COL4A2: variants seen among roughly 807,000 people sequenced by gnomAD.
COL4A2 encodes the protein collagen type IV alpha 2 chain, also known as collagen alpha-2(IV) chain.
COL4A2 carries 99 observed loss-of-function variants against 200.2 expected under a neutral mutation model. The ratio of observed to expected loss-of-function variants is 0.49; its 90% CI spans 0.42 to 0.58. COL4A2 has a LOEUF of 0.58. COL4A2 is among the 20% of genes least tolerant of loss of function. COL4A2 has a pLI of 0.00. For synonymous variants in COL4A2, 897 were observed against 900.6 expected (o/e 1.00, Z 0.07); for missense variants, 1,950 against 2,314.1 (o/e 0.84, Z 3.23).
chr13:110,357,016 G>A (rs539149529), intron 3 of COL4A2, among the ~76,000 whole-genome samples: 3 of 152,038 alleles, frequency 2.0e-5, no homozygotes, highest in East Asian at 1.9e-4. Flanking sequence ...CACCCGCCTC[G>A]GCCTCCCAAA....
intron 24 of COL4A2, 64 bp from the exon 25 acceptor site, chr13:110,465,341 G>T (rs1882194168): frequency 2.6e-5 from 39 of 1,516,690 alleles, no homozygotes; most frequent in Non-Finnish European, 3.4e-5. Context: ...AAAGGAAACA[G>T]GGAAGTCGAG....
intron 24 of COL4A2, among the ~76,000 whole-genome samples, chr13:110,465,061 C>T (rs1304656132): frequency 6.6e-6 from 1 of 152,238 alleles, no homozygotes; most frequent in African/African-American, 2.4e-5. Context: ...TCATGTGTTT[C>T]TTTCTCCACC....
intron 11 of COL4A2, among the ~76,000 whole-genome samples, chr13:110,432,738 G>A (rs2139460963): frequency 6.6e-6 from 1 of 152,330 alleles, no homozygotes; most frequent in African/African-American, 2.4e-5. Context: ...GTTGTAGGGA[G>A]GCCAATGTCA....
At chr13:110,400,044 A>G (rs1003186453) in intron 4 of COL4A2, among the ~76,000 whole-genome samples, 2 of 151,888 alleles carry the variant, frequency 1.3e-5, no homozygotes, top group African/African-American at 4.9e-5. Context: ...TCTCCAAAAC[A>G]TACAGCCAGC....
intron 16 of COL4A2, among the ~76,000 whole-genome samples, chr13:110,443,041 C>T (rs1432761169): frequency 6.6e-6 from 1 of 152,234 alleles, no homozygotes; most frequent in Non-Finnish European, 1.5e-5. Context: ...ATGACTTGGA[C>T]TCACCAGATG....
intron 4 of COL4A2, among the ~76,000 whole-genome samples, chr13:110,374,852 T>C (rs1359216689): frequency 6.6e-6 from 1 of 152,206 alleles, no homozygotes; most frequent in African/African-American, 2.4e-5. Flanking sequence ...TTCAGAAGCA[T>C]TCCTGAGTCA....
rs184563692 is a variant in COL4A2, at chr13:110,379,345, G to A, written c.180+21793G>A. Among the ~76,000 whole-genome samples, 389 of 152,354 alleles carry A rather than the reference G, an allele frequency of 2.6e-3. 15 individuals carry two copies. The highest frequency in any genetic ancestry group is 0.024 in the Admixed American group (373 of 15,310). ...GCACCCTAAGCTAAGAGGCGAGTAC[G>A]CGTGCAGGTGCACCCGAGGGAAAGC... On this transcript the variant is annotated intron_variant, in intron 4 of 47. Coordinates refer to ENST00000360467, the MANE Select transcript of COL4A2 (RefSeq NM_001846.4).
chr13:110,310,339 T>G (rs1884940665), intron 3 of COL4A2, among the ~76,000 whole-genome samples: 1 of 151,860 alleles, frequency 6.6e-6, no homozygotes. Context: ...CAGGGTGGAG[T>G]CCGGGACTCC....
intron 3 of COL4A2, among the ~76,000 whole-genome samples, chr13:110,314,280 C>G (rs945427148): frequency 6.6e-6 from 1 of 152,210 alleles, no homozygotes; most frequent in African/African-American, 2.4e-5. Flanking sequence ...TTTTAAAATG[C>G]TCCCAGGAGT....
chr13:110,484,508 G>C (rs145935873), intron 32 of COL4A2, among the ~76,000 whole-genome samples: 2 of 152,142 alleles, frequency 1.3e-5, no homozygotes, highest in Non-Finnish European at 2.9e-5. Flanking sequence ...AGGAGGGCAC[G>C]GAGCTGGCGC....
At chr13:110,431,096 C>T (rs552086804) in intron 10 of COL4A2, among the ~76,000 whole-genome samples, 1 of 152,344 alleles carries the variant, frequency 6.6e-6, no homozygotes, top group East Asian at 1.9e-4. Flanking sequence ...CAGAAAAAGG[C>T]ACTTGCTGAG....
intron 3 of COL4A2, among the ~76,000 whole-genome samples, chr13:110,311,134 C>T (rs1482555219): frequency 6.6e-6 from 1 of 152,122 alleles, no homozygotes; most frequent in Non-Finnish European, 1.5e-5. Context: ...TCTCCCCCTC[C>T]TTCCTCCTCT....
intron 21 of COL4A2, chr13:110,458,084 G>A (rs1429916904): frequency 4.3e-6 from 2 of 467,264 alleles, no homozygotes; most frequent in Admixed American, 2.4e-5. Context: ...CACTTCCTGG[G>A]ACTTACCACG....
At chr13:110,471,863 C>T (rs1476502616) in intron 28 of COL4A2, among the ~76,000 whole-genome samples, 1 of 152,152 alleles carries the variant, frequency 6.6e-6, no homozygotes, top group African/African-American at 2.4e-5. Context: ...CACAGAATCA[C>T]CTGCCAGTCT....
In COL4A2 at chr13:110,455,663, T is replaced by C. The variant is rs117824203; in HGVS notation, c.1340-1680T>C. ...ACAGCATAGGCACGGGATAAGTGTT[T>C]GATGAGCGAATGAATGAATGAGCTA... On this transcript the variant is annotated intron_variant, in intron 20 of 47. Coordinates refer to ENST00000360467, the MANE Select transcript of COL4A2 (RefSeq NM_001846.4). Among the ~76,000 whole-genome samples, 537 of 152,306 alleles carry C rather than the reference T, an allele frequency of 3.5e-3. 2 individuals carry two copies. The highest frequency in any genetic ancestry group is 6.5e-3 in the Non-Finnish European group (440 of 68,026).
intron 24 of COL4A2, among the ~76,000 whole-genome samples, chr13:110,464,578 T>TAGAG (rs57843535): frequency 0.35 from 53,087 of 151,700 alleles, 10,290 homozygotes; most frequent in Middle Eastern, 0.58. Flanking sequence ...GTCTCATAAA[T>TAGAG]AGAGCTGGAC....
chr13:110,511,721 C>A (rs1475062345), intron 47 of COL4A2, among the ~76,000 whole-genome samples: 1 of 151,716 alleles, frequency 6.6e-6, no homozygotes, highest in Non-Finnish European at 1.5e-5. Flanking sequence ...GCAGCACGTC[C>A]TGGTGCCTGG....
intron 4 of COL4A2, among the ~76,000 whole-genome samples, chr13:110,360,994 A>T (rs1877490342): frequency 6.6e-6 from 1 of 152,242 alleles, no homozygotes; most frequent in Admixed American, 6.5e-5. Flanking sequence ...TGCTCTGTTA[A>T]TTCAGGTGAG....
chr13:110,511,889 G>T (rs1189414620), intron 47 of COL4A2, 45 bp from the exon 48 acceptor site: 2 of 1,612,106 alleles, frequency 1.2e-6, no homozygotes, highest in South Asian at 2.2e-5. Flanking sequence ...CGTGCCACCT[G>T]CAGGCTGTGA....
Sources: allele counts gnomAD v4.1 joint callset (sites outside exome capture counted in the v4.1 genomes callset), GRCh38; gene constraint gnomAD v4.1.1; transcripts MANE v1.5; gene names NCBI Gene and HGNC (gene_info 2026-07-23, HGNC 2026-07-21).